ANK3: variants seen among roughly 807,000 people sequenced by gnomAD.
ANK3 encodes ankyrin-3.
A neutral mutation model predicts 370.9 loss-of-function variants in ANK3; 57 were observed. The observed-to-expected ratio is 0.15, with a 90% confidence interval of 0.12 to 0.19. The LOEUF (loss-of-function observed/expected upper bound fraction) is 0.19, where lower values mean the gene tolerates loss of function less well. ANK3 is among the 10% of genes least tolerant of loss of function. ANK3 has a pLI of 1.00. For synonymous variants in ANK3, 1,929 were observed against 1,946.3 expected (o/e 0.99, Z 0.23); for missense variants, 4,439 against 5,302.1 (o/e 0.84, Z 5.06).
chr10:60,694,142 G>A (rs1277165984), intron 1 of ANK3, among the ~76,000 whole-genome samples: 2 of 152,076 alleles, frequency 1.3e-5, no homozygotes, highest in Non-Finnish European at 2.9e-5. Context: ...TGGAAGAAAG[G>A]GTATCAGTGA....
In ANK3 at chr10:60,270,126, CT is replaced by C; in HGVS notation, c.513+4del. On this transcript the variant is annotated splice_donor_region_variant and intron_variant, in intron 5 of 43. Coordinates refer to ENST00000280772, the MANE Select transcript of ANK3 (RefSeq NM_020987.5). The stretch of plus-strand genomic sequence containing the variant: ...CTCACCCACAGGAAAAAAACAGTAT[CT>C]TACCTCTGTGGCTAGGCTCTGGCTT... The C allele has an allele frequency of 6.4e-7, 1 of 1,558,098 alleles. No homozygotes were observed.
At chr10:60,149,267 T>C (rs1163976752) in intron 23 of ANK3, among the ~76,000 whole-genome samples, 1 of 152,138 alleles carries the variant, frequency 6.6e-6, no homozygotes, top group Non-Finnish European at 1.5e-5. Context: ...CTCCTCTTGC[T>C]CCTAGCTCCC....
In ANK3 at chr10:60,068,697, C is replaced by T. The variant is rs773375240; in HGVS notation, c.12184G>A (p.Ala4062Thr). 6.2e-7 allele frequency: 1 copy of T among 1,614,022 alleles called. No individual in the cohort carries two copies. Among genetic ancestry groups the T allele is most frequent in the Non-Finnish European group, 8.5e-7 (1 of 1,179,922 alleles). Residue 4062 changes from alanine to threonine, a missense_variant, in exon 37 of 44, where the codon GCA (alanine) becomes ACA (threonine). Ala to Thr is a moderately conservative substitution (Grantham distance 58). Coordinates refer to ENST00000280772, the MANE Select transcript of ANK3 (RefSeq NM_020987.5). ...TTTTCACTCTTTGATTTTAAAGGTGCTGCCTCTGTTTTCTTATCTCTAGCA... is the reference window on the plus strand; with the variant it reads ...TTTTCACTCTTTGATTTTAAAGGTGTTGCCTCTGTTTTCTTATCTCTAGCA... ...KSARDKKTEA[A>T]PLKSKSEKAG...
rs2082929861 is a variant in ANK3, at chr10:60,072,534, C to A, written c.8347G>T (p.Asp2783Tyr). The A allele has an allele frequency of 1.2e-6, 2 of 1,613,392 alleles. No homozygotes were observed. Among genetic ancestry groups the A allele is most frequent in the African/African-American group, 2.7e-5 (2 of 74,944 alleles). The change falls in exon 37 of 44, where the codon GAT (aspartate) becomes TAT (tyrosine). Residue 2783 changes from aspartate to tyrosine, a missense_variant. Physicochemically the swap from Asp to Tyr is radical, Grantham distance 160. Coordinates refer to ENST00000280772, the MANE Select transcript of ANK3 (RefSeq NM_020987.5). ...LPDESVSVQK[D>Y]FMVLKTKDEH... ...TCTTTGGTTTTTAATACCATAAAATCTTTTTGCACAGATACACTTTCATCT... is the reference window on the plus strand; with the variant it reads ...TCTTTGGTTTTTAATACCATAAAATATTTTTGCACAGATACACTTTCATCT...
intron 2 of ANK3, among the ~76,000 whole-genome samples, chr10:60,476,571 A>G (rs1054116195): frequency 6.6e-6 from 1 of 152,224 alleles, no homozygotes; most frequent in Admixed American, 6.5e-5. Context: ...AATTATATGT[A>G]GGCACTAACC....
At chr10:60,166,759 T>C in intron 22 of ANK3, 65 bp downstream of exon 22, 2 of 1,594,048 alleles carry the variant, frequency 1.3e-6, no homozygotes, top group Non-Finnish European at 1.7e-6. Flanking sequence ...ATGGACTTTC[T>C]TCAGGAAACA....
chr10:60,713,007 G>T (rs1358281888), intron 1 of ANK3, among the ~76,000 whole-genome samples: 1 of 152,112 alleles, frequency 6.6e-6, no homozygotes, highest in Non-Finnish European at 1.5e-5. Flanking sequence ...CCACAAGTAC[G>T]GTGGAGACTT....
At chr10:60,385,827 G>A (rs895797226) in intron 1 of ANK3, among the ~76,000 whole-genome samples, 1 of 151,942 alleles carries the variant, frequency 6.6e-6, no homozygotes, top group Non-Finnish European at 1.5e-5. Context: ...GACAGGACTT[G>A]GTAAATATAT....
At position 60,069,236 on chromosome 10, in the gene ANK3, G is replaced by A. The variant is rs2082230368; in HGVS notation, c.11645C>T (p.Ser3882Leu). 6.2e-7 allele frequency: 1 copy of A among 1,614,170 alleles called. No individual in the cohort carries two copies. The highest frequency in any genetic ancestry group is 2.2e-5 in the East Asian group (1 of 44,880). The change falls in exon 37 of 44, where the codon TCA becomes TTA. Residue 3882 changes from serine to leucine, a missense_variant. Ser to Leu is a moderately radical substitution (Grantham distance 145). This residue lies in a region of ANK3 where 496 missense variants were observed against 529.3 expected (regional missense o/e 0.94). Coordinates refer to ENST00000280772, the MANE Select transcript of ANK3 (RefSeq NM_020987.5). ...PKDTFPPNHM[S>L]NTKASKMKQV... ...CTTCATTTTACTTGCTTTAGTGTTT[G>A]ACATATGGTTCGGTGGGAAGGTATC...
At position 60,105,049 on chromosome 10, in the gene ANK3, G is replaced by T. The variant is rs543897547; in HGVS notation, c.3328+856C>A. 5.3e-5 allele frequency among the ~76,000 whole-genome samples: 8 copies of T among 152,186 alleles called. No homozygotes were observed. The East Asian group carries it at 1.2e-3, about 22-fold the overall frequency. On this transcript the variant is annotated intron_variant, in intron 28 of 43. Transcript: ENST00000280772. ...AGTGCATTCCAAAAGTCAGTGAATTGAAAAAGAGTGGATCTTATGGAATAT... is the reference window on the plus strand; with the variant it reads ...AGTGCATTCCAAAAGTCAGTGAATTTAAAAAGAGTGGATCTTATGGAATAT...
At chr10:60,681,013 T>G (rs973230000) in intron 1 of ANK3, among the ~76,000 whole-genome samples, 1 of 152,210 alleles carries the variant, frequency 6.6e-6, no homozygotes, top group Non-Finnish European at 1.5e-5. Flanking sequence ...TCCTCTTCAC[T>G]TGGCACTCTC....
intron 2 of ANK3, among the ~76,000 whole-genome samples, chr10:60,444,171 C>A (rs770629698): frequency 6.6e-6 from 1 of 151,640 alleles, no homozygotes; most frequent in African/African-American, 2.4e-5. Flanking sequence ...TACCTTATAT[C>A]CATTTATTGT....
chr10:60,082,316 C>T, intron 34 of ANK3, 140 bp from the exon 35 acceptor site: 1 of 829,138 alleles, frequency 1.2e-6, no homozygotes, highest in Non-Finnish European at 1.9e-6. Flanking sequence ...TTAAAAAAAG[C>T]CAACAAAAAA....
intron 7 of ANK3, among the ~76,000 whole-genome samples, chr10:60,260,514 A>G (rs1014688773): frequency 8.5e-5 from 13 of 152,222 alleles, no homozygotes; most frequent in African/African-American, 2.2e-4. Context: ...TCAAAATAAC[A>G]GTGCTGCTTG....
intron 8 of ANK3, among the ~76,000 whole-genome samples, chr10:60,226,315 TATACTA>T (rs2097140950): frequency 9.3e-6 from 1 of 107,242 alleles, no homozygotes; most frequent in African/African-American, 3.7e-5. Context: ...TAATACTATA[TATACTA>T]TGTATATATA....
intron 1 of ANK3, among the ~76,000 whole-genome samples, chr10:60,634,782 C>G (rs891041811): frequency 6.6e-6 from 1 of 151,372 alleles, no homozygotes; most frequent in African/African-American, 2.4e-5. Flanking sequence ...CCAGCGAGAC[C>G]GCGAACCCAC....
At chr10:60,322,495 CAA>C (rs569116866) in intron 1 of ANK3, among the ~76,000 whole-genome samples, 2 of 144,662 alleles carry the variant, frequency 1.4e-5, no homozygotes, top group Non-Finnish European at 1.5e-5. Context: ...AATATATTGT[CAA>C]AAAAAAAAAG....
chr10:60,204,173 G>T (rs994113873), intron 11 of ANK3, among the ~76,000 whole-genome samples: 1 of 152,202 alleles, frequency 6.6e-6, no homozygotes, highest in Non-Finnish European at 1.5e-5. Flanking sequence ...GAGAAGAATG[G>T]AGGACAATTA....
intron 1 of ANK3, among the ~76,000 whole-genome samples, chr10:60,653,084 A>G (rs571660416): frequency 1.3e-5 from 2 of 152,146 alleles, no homozygotes; most frequent in Admixed American, 6.5e-5. Flanking sequence ...TATCATAAAT[A>G]TTTTCTCCTA....
Sources: gnomAD v4.1 joint callset for allele counts (sites outside exome capture counted in the v4.1 genomes callset) on GRCh38, gnomAD v4.1.1 for gene constraint, gnomAD v4.1.1 regional missense constraint, MANE v1.5 for transcripts, NCBI Gene and HGNC (gene_info 2026-07-23, HGNC 2026-07-21) for gene names.